The following BCLAF1 variants were observed in gnomAD, a reference collection of about 807,000 sequenced individuals.
BCLAF1 encodes the protein bcl-2-associated transcription factor 1.
BCLAF1 carries 10 observed loss-of-function variants against 99.5 expected under a neutral mutation model. The observed-to-expected ratio is 0.10, with a 90% confidence interval of 0.06 to 0.17. The LOEUF (loss-of-function observed/expected upper bound fraction) is 0.17, where lower values mean the gene tolerates loss of function less well. Among genes scored for constraint, BCLAF1 ranks in the 10% least tolerant of loss-of-function variants. BCLAF1 has a pLI of 1.00. For missense variants in BCLAF1, 636 were observed against 1,105.8 expected (o/e 0.58, Z 6.02); for synonymous variants, 255 against 370.9 (o/e 0.69, Z 3.59).
In BCLAF1 at chr6:136,269,615, A is replaced by G; in HGVS notation, c.2044-3T>C. The G allele has an allele frequency of 2.5e-6, 4 of 1,579,514 alleles. No individual in the cohort carries two copies. Among genetic ancestry groups the G allele is most frequent in the Middle Eastern group, 1.7e-4 (1 of 5,882 alleles). ...TCACACCTTAATTTTTTATCTCCCT[A>G]TAAAAGACAGATATAAAATACAGAT... On this transcript the variant is annotated splice_region_variant and splice_polypyrimidine_tract_variant and intron_variant, in intron 8 of 12. Transcript: ENST00000531224.
intron 8 of BCLAF1, among the ~76,000 whole-genome samples, chr6:136,270,674 A>T (rs1782386721): frequency 6.6e-6 from 1 of 151,890 alleles, no homozygotes; most frequent in South Asian, 2.1e-4. Context: ...GTAAATTACA[A>T]ACGATATATA....
rs763902707 is a variant in BCLAF1 at position 136,273,152 on chromosome 6, C to T, written c.1888G>A (p.Glu630Lys). Residue 630 changes from glutamate (E) to lysine (K), a missense_variant, in exon 7 of 13, where the codon GAG becomes AAG. By Grantham distance (56) the Glu-to-Lys change is moderately conservative (BLOSUM62 1). Transcript: ENST00000531224. Reference sequence around the variant, plus strand: ...GCTTTCTGATACGAAGTGAACCGCTCGTTTAGGGTCATTGCAGCTGACTTG... The same window carrying T: ...GCTTTCTGATACGAAGTGAACCGCTTGTTTAGGGTCATTGCAGCTGACTTG... ...YFKSAAMTLN[E>K]RFTSYQKATE... The T allele has an allele frequency of 1.2e-6, 2 of 1,612,006 alleles. No individual in the cohort carries two copies. The highest frequency in any genetic ancestry group is 1.7e-6 in the Non-Finnish European group (2 of 1,178,582).
chr6:136,284,130 G>GTGTATGTGTGTATATATATATA (rs36141174), intron 1 of BCLAF1, among the ~76,000 whole-genome samples: 2 of 122,118 alleles, frequency 1.6e-5, no homozygotes, highest in African/African-American at 8.2e-5. Flanking sequence ...GTGTGTGTGT[G>GTGTATGTGTGTATATATATATA]TATATATATA....
chr6:136,283,443 A>G (rs1475974283), intron 1 of BCLAF1, among the ~76,000 whole-genome samples: 3 of 152,192 alleles, frequency 2.0e-5, no homozygotes, highest in Non-Finnish European at 4.4e-5. Context: ...TTATCTACTG[A>G]AAGTCAATAT....
intron 9 of BCLAF1, chr6:136,269,148 G>C: frequency 8.1e-7 from 1 of 1,233,668 alleles, no homozygotes; most frequent in Non-Finnish European, 1.0e-6. Context: ...TACACAAACT[G>C]TTTCTAGAAA....
At position 136,280,876 on chromosome 6, in the gene BCLAF1, T is replaced by A. The variant is rs1038432784; in HGVS notation, c.-10-1000A>T. ...AACTATTTCCAAATTTACACTAACT[T>A]ACTCAAAAAGTATTCATTTCAATAA... On this transcript the variant is annotated intron_variant, in intron 2 of 12. Coordinates refer to ENST00000531224, the MANE Select transcript of BCLAF1 (RefSeq NM_014739.3). Among the ~76,000 whole-genome samples the A allele has an allele frequency of 6.0e-4, 91 of 152,180 alleles. 3 individuals are homozygous for A. The highest frequency in any genetic ancestry group is 6.0e-3 in the Admixed American group (91 of 15,270).
intron 11 of BCLAF1, among the ~76,000 whole-genome samples, chr6:136,266,469 C>T (rs569101387): frequency 3.9e-5 from 6 of 152,180 alleles, no homozygotes; most frequent in African/African-American, 1.4e-4. Context: ...CCACCTCTAG[C>T]TTCATCCTTG....
At position 136,260,404 on chromosome 6, in the gene BCLAF1, T is replaced by G. The variant is rs148972267; in HGVS notation, c.*706A>C. On this transcript the variant is annotated 3_prime_UTR_variant, in exon 13 of 13. Coordinates refer to ENST00000531224, the MANE Select transcript of BCLAF1 (RefSeq NM_014739.3). ...TAGGAATAGAAAGAGAACACACAGT[T>G]TTGAACGCAAATAGAAAAGGCTCCT... The G allele has an allele frequency of 6.6e-6, 1 of 152,166 alleles. No individual in the cohort carries two copies. The highest frequency in any genetic ancestry group is 1.9e-4 in the East Asian group (1 of 5,184). 9.4% of individuals were successfully genotyped at this position (152,166 alleles called of 1,614,324 possible).
rs547078576 is a variant in BCLAF1 at position 136,275,984 on chromosome 6, G to A, written c.1541C>T (p.Pro514Leu). Residue 514 changes from proline to leucine, a missense_variant, in exon 5 of 13, where the codon CCT becomes CTT. By Grantham distance (98) the Pro-to-Leu change is moderately conservative. This residue lies in a region of BCLAF1 where 186 missense variants were observed against 275.3 expected (regional missense o/e 0.68). Transcript: ENST00000531224. Reference protein sequence around the residue: ...KLKDLFDYSPPLHKNLDAREK... With the variant: ...KLKDLFDYSPLLHKNLDAREK... Reference sequence around the variant, plus strand: ...TCGTGCATCCAGATTCTTGTGTAGAGGGGGACTGTAATCAAAGAGGTCTTT... The same window carrying A: ...TCGTGCATCCAGATTCTTGTGTAGAAGGGGACTGTAATCAAAGAGGTCTTT... 6.2e-7 allele frequency: 1 copy of A among 1,611,802 alleles called. No homozygotes were observed. Among genetic ancestry groups the A allele is most frequent in the African/African-American group, 1.3e-5 (1 of 74,660 alleles).
intron 6 of BCLAF1, chr6:136,273,467 A>T: frequency 3.5e-6 from 1 of 282,666 alleles, no homozygotes; most frequent in South Asian, 5.4e-5. Context: ...TTAATACACT[A>T]CTTCCTCAGA....
At chr6:136,265,022 A>G (rs919314354) in intron 11 of BCLAF1, among the ~76,000 whole-genome samples, 2 of 152,218 alleles carry the variant, frequency 1.3e-5, no homozygotes, top group African/African-American at 2.4e-5. Flanking sequence ...AATGCCATAG[A>G]AAAACGGCCT....
At chr6:136,268,377 AAAAGAT>A in intron 9 of BCLAF1, 38 bp from the exon 10 acceptor site, 1 of 1,535,566 alleles carries the variant, frequency 6.5e-7, no homozygotes, top group Non-Finnish European at 8.8e-7. Flanking sequence ...GATACTTTTA[AAAAGAT>A]AAAGACCCTG....
chr6:136,256,778 TTA>T lies in BCLAF1; in HGVS notation c.*4330_*4331del, dbSNP rs1371411481. Reference sequence around the variant, plus strand: ...GTATCCTGAGAACTCAACAGAAAGTTTAGTTTTCCCTTCTAGTACAAATGAGA... The same window carrying T: ...GTATCCTGAGAACTCAACAGAAAGTTGTTTTCCCTTCTAGTACAAATGAGA... On this transcript the variant is annotated 3_prime_UTR_variant, in exon 13 of 13. Transcript: ENST00000531224. 5 of 152,806 alleles carry T rather than the reference TTA, an allele frequency of 3.3e-5. No homozygotes were observed. Among genetic ancestry groups the T allele is most frequent in the African/African-American group, 1.2e-4 (5 of 41,440 alleles). The allele number at this position is 152,806 out of a possible 1,614,324, so 9.5% of individuals were successfully genotyped here.
At chr6:136,272,355 T>C (rs1380459112) in intron 7 of BCLAF1, among the ~76,000 whole-genome samples, 1 of 151,918 alleles carries the variant, frequency 6.6e-6, no homozygotes, top group Non-Finnish European at 1.5e-5. Flanking sequence ...AAAAATGTGT[T>C]TTGATTAAAC....
Position 136,261,452 on chromosome 6 carries a change from T to C in BCLAF1, c.2570A>G (p.Asp857Gly). The change falls in exon 12 of 13, where the codon GAT (aspartate) becomes GGT (glycine). Residue 857 changes from aspartate (D) to glycine (G), a missense_variant. By Grantham distance (94) the Asp-to-Gly change is moderately conservative. This residue lies in a region of BCLAF1 where 57 missense variants were observed against 116.7 expected (regional missense o/e 0.49). Transcript: ENST00000531224. ...ACCTCTTCCTCTTTTGGCCCAATAATCCACACCATCATCTCTGTCGTCATG... is the reference window on the plus strand; with the variant it reads ...ACCTCTTCCTCTTTTGGCCCAATAACCCACACCATCATCTCTGTCGTCATG... ...FLHDDRDDGVDYWAKRGRGRG... is the reference protein window; with the variant it reads ...FLHDDRDDGVGYWAKRGRGRG... The C allele has an allele frequency of 6.2e-7, 1 of 1,613,634 alleles. No homozygotes were observed. Among genetic ancestry groups the C allele is most frequent in the Non-Finnish European group, 8.5e-7 (1 of 1,179,734 alleles).
intron 11 of BCLAF1, among the ~76,000 whole-genome samples, chr6:136,265,803 T>C (rs1305290854): frequency 6.6e-6 from 1 of 152,182 alleles, no homozygotes; most frequent in Admixed American, 6.5e-5. Flanking sequence ...CATATATATT[T>C]AGAATGTTTG....
In BCLAF1 at chr6:136,259,109, A is replaced by G. The variant is rs1159358440; in HGVS notation, c.*2001T>C. 6.6e-6 allele frequency: 1 copy of G among 152,080 alleles called. No homozygotes were observed. The highest frequency in any genetic ancestry group is 1.9e-4 in the East Asian group (1 of 5,204). 9.4% of individuals were successfully genotyped at this position (152,080 alleles called of 1,614,324 possible). A position where few individuals can be genotyped will look rare whatever the true frequency, so the allele number is the denominator to read the frequency against. On this transcript the variant is annotated 3_prime_UTR_variant, in exon 13 of 13. Transcript: ENST00000531224. ...GGATCTGAAAAAGGTAACATCCACAATGACATTCTATTACAGAGTTCTTAC... is the reference window on the plus strand; with the variant it reads ...GGATCTGAAAAAGGTAACATCCACAGTGACATTCTATTACAGAGTTCTTAC...
At chr6:136,264,208 A>T (rs1781414167) in intron 11 of BCLAF1, among the ~76,000 whole-genome samples, 1 of 152,060 alleles carries the variant, frequency 6.6e-6, no homozygotes, top group African/African-American at 2.4e-5. Context: ...ATTATTACTA[A>T]GCTTTTTTGT....
At position 136,259,742 on chromosome 6, in the gene BCLAF1, G is replaced by C. The variant is rs1780745192; in HGVS notation, c.*1368C>G. The C allele has an allele frequency of 6.6e-6, 1 of 151,970 alleles. No homozygotes were observed. Among genetic ancestry groups the C allele is most frequent in the African/African-American group, 2.4e-5 (1 of 41,416 alleles). The allele number at this position is 151,970 out of a possible 1,614,324, so 9.4% of individuals were successfully genotyped here. A position where few individuals can be genotyped will look rare whatever the true frequency, so the allele number is the denominator to read the frequency against. On this transcript the variant is annotated 3_prime_UTR_variant, in exon 13 of 13. Coordinates refer to ENST00000531224, the MANE Select transcript of BCLAF1 (RefSeq NM_014739.3). ...TAAGATGAAAGAGCAATACACTTAA[G>C]ATCTTCAAAAGTTTACATTAACAGA...
Sources: gnomAD v4.1 joint callset for allele counts (sites outside exome capture counted in the v4.1 genomes callset) on GRCh38, gnomAD v4.1.1 for gene constraint, gnomAD v4.1.1 regional missense constraint, MANE v1.5 for transcripts, NCBI Gene and HGNC (gene_info 2026-07-23, HGNC 2026-07-21) for gene names.